The following HORMAD1 variants were observed in gnomAD, a reference collection of about 807,000 sequenced individuals.
HORMAD1 encodes HORMA domain containing 1.
In HORMAD1, 33 loss-of-function variants were observed where a neutral mutation model predicts 58.2. That is an observed-to-expected ratio of 0.57 (90% CI 0.43 to 0.76). HORMAD1 has a LOEUF of 0.76. HORMAD1 is among the 30% of genes least tolerant of loss of function. The pLI, the probability that HORMAD1 is intolerant of heterozygous loss-of-function variation, is 0.00. For synonymous variants in HORMAD1, 137 were observed against 144.6 expected (o/e 0.95, Z 0.38); for missense variants, 363 against 462.0 (o/e 0.79, Z 1.96).
intron 13 of HORMAD1, among the ~76,000 whole-genome samples, chr1:150,700,714 C>A (rs980625668): frequency 3.4e-4 from 52 of 152,250 alleles, no homozygotes; most frequent in African/African-American, 1.2e-3. Context: ...AGGAATAATA[C>A]AATATGTGGA....
rs1053969837 is a variant in HORMAD1 at position 150,705,018 on chromosome 1, C to T, written c.805-675G>A. On this transcript the variant is annotated intron_variant, in intron 10 of 14. Transcript: ENST00000361824. ...AAGATCTGCCACTGCACTTCAGCCT[C>T]GGCAAAAGAGCAAGACTCTGTCTCA... Among the ~76,000 whole-genome samples the T allele has an allele frequency of 2.6e-5, 4 of 151,752 alleles. No homozygotes were observed. In the East Asian group the frequency reaches 5.8e-4, roughly 22 times the overall value.
chr1:150,708,818 C>G, intron 8 of HORMAD1, 76 bp downstream of exon 8: 1 of 774,976 alleles, frequency 1.3e-6, no homozygotes, highest in Non-Finnish European at 2.2e-6. Context: ...CAGAATGAAT[C>G]CTGAGGTTTA....
chr1:150,715,795 T>C (rs1266245861), intron 3 of HORMAD1, among the ~76,000 whole-genome samples: 1 of 152,076 alleles, frequency 6.6e-6, no homozygotes, highest in Non-Finnish European at 1.5e-5. Flanking sequence ...ATGTTTTCTA[T>C]TGATTTCTTT....
intron 1 of HORMAD1, 148 bp from the exon 2 acceptor site, chr1:150,719,686 T>A (rs1205295145): frequency 2.1e-6 from 1 of 478,036 alleles, no homozygotes; most frequent in Non-Finnish European, 3.7e-6. Flanking sequence ...TAGAGGTCGA[T>A]ATTGCAGTAG....
intron 13 of HORMAD1, chr1:150,701,954 T>G (rs1265195475): frequency 6.6e-6 from 1 of 152,114 alleles, no homozygotes; most frequent in East Asian, 1.9e-4. Context: ...TGCAAATTCA[T>G]GAAGCATTCC....
chr1:150,701,176 C>T (rs1651525334), intron 13 of HORMAD1, among the ~76,000 whole-genome samples: 1 of 152,128 alleles, frequency 6.6e-6, no homozygotes, highest in African/African-American at 2.4e-5. Context: ...GTCCCTAAAT[C>T]ATCTTAATGT....
At position 150,704,184 on chromosome 1, in the gene HORMAD1, T is replaced by C; in HGVS notation, c.882A>G (p.Leu294=). The C allele has an allele frequency of 4.5e-6, 7 of 1,558,156 alleles. No individual in the cohort carries two copies. The highest frequency in any genetic ancestry group is 1.2e-5 in the South Asian group (1 of 84,202). ...PASSELEEPS[L]VCEEDEIMRS... Reference sequence around the variant, plus strand: ...TCATAATTTCATCTTCCTCACAAACTAAACTTGGTTCTGTAAAAAAAAAAA... The same window carrying C: ...TCATAATTTCATCTTCCTCACAAACCAAACTTGGTTCTGTAAAAAAAAAAA... Residue 294 remains leucine, a synonymous_variant, in exon 12 of 15, where the codon TTA becomes TTG. Transcript: ENST00000361824.
At chr1:150,714,720 G>A in intron 3 of HORMAD1, 42 bp from the exon 4 acceptor site, 1 of 943,506 alleles carries the variant, frequency 1.1e-6, no homozygotes, top group Non-Finnish European at 1.6e-6. Flanking sequence ...CTTAAGAAAA[G>A]TAAACAACTA....
At position 150,698,671 on chromosome 1, in the gene HORMAD1, G is replaced by T; in HGVS notation, c.1168C>A (p.Pro390Thr). The change falls in exon 15 of 15, where the codon CCA (proline) becomes ACA (threonine). Residue 390 changes from proline to threonine, a missense_variant. Physicochemically the swap from Pro to Thr is conservative, Grantham distance 38. Transcript: ENST00000361824. ...SVPKRRKFSE[P>T]KEHI Reference sequence around the variant, plus strand: ...AATAATTTTTATATATGTTCCTTTGGTTCACTAAACTTTCTCCTTTTTGGC... The same window carrying T: ...AATAATTTTTATATATGTTCCTTTGTTTCACTAAACTTTCTCCTTTTTGGC... 2.5e-6 allele frequency: 4 copies of T among 1,582,076 alleles called. No individual in the cohort carries two copies. Among genetic ancestry groups the T allele is most frequent in the Non-Finnish European group, 3.5e-6 (4 of 1,152,424 alleles).
intron 2 of HORMAD1, among the ~76,000 whole-genome samples, chr1:150,718,441 C>G (rs1361019240): frequency 6.6e-6 from 1 of 150,984 alleles, no homozygotes; most frequent in East Asian, 1.9e-4. Context: ...ACCTCAGCCT[C>G]AGCTCAAAAA....
Position 150,713,784 on chromosome 1 carries a change from T to C in HORMAD1, c.279+301A>G, listed in dbSNP as rs1318512186. 7 of 239,476 alleles carry C rather than the reference T, an allele frequency of 2.9e-5. No individual in the cohort carries two copies. In the Admixed American group the frequency reaches 4.0e-4, roughly 14 times the overall value. The allele number at this position is 239,476 out of a possible 1,614,324, so 14.8% of individuals were successfully genotyped here. Reference sequence around the variant, plus strand: ...GCTTGTAGAAGGCATGTGAAACTAATGAATAAACTATTTGAAAAGACTCTT... The same window carrying C: ...GCTTGTAGAAGGCATGTGAAACTAACGAATAAACTATTTGAAAAGACTCTT... On this transcript the variant is annotated intron_variant, in intron 5 of 14. Transcript: ENST00000361824.
At chr1:150,711,467 G>A (rs193051954) in intron 7 of HORMAD1, 78 bp downstream of exon 7, 80 of 973,276 alleles carry the variant, frequency 8.2e-5, no homozygotes, top group Non-Finnish European at 8.0e-5. Context: ...AAAAGCATAA[G>A]ATATTCTTAT....
rs1438904766 is a variant in HORMAD1, at chr1:150,703,397, A to AAAAAGAAAATAATT, written c.949-18_949-5dup. 4 of 1,488,814 alleles carry AAAAAGAAAATAATT rather than the reference A, an allele frequency of 2.7e-6. No homozygotes were observed. The highest frequency in any genetic ancestry group is 3.7e-6 in the Non-Finnish European group (4 of 1,084,774). 92.2% of individuals were successfully genotyped at this position (1,488,814 alleles called of 1,614,324 possible). A position where few individuals can be genotyped will look rare whatever the true frequency, so the allele number is the denominator to read the frequency against. On this transcript the variant is annotated splice_polypyrimidine_tract_variant and splice_region_variant and intron_variant, in intron 12 of 14. Transcript: ENST00000361824. ...TTTTATTGACTAACTGCTCAACCTA[A>AAAAAGAAAATAATT]AAAAGAAAATAATTACAAAAAATAT...
At chr1:150,716,693 G>C (rs1652089063) in intron 3 of HORMAD1, among the ~76,000 whole-genome samples, 2 of 151,652 alleles carry the variant, frequency 1.3e-5, no homozygotes, top group Admixed American at 6.6e-5. Flanking sequence ...GCCGGGCGCG[G>C]TGGCTCACGC....
At chr1:150,717,755 C>A (rs1271592210) in intron 2 of HORMAD1, among the ~76,000 whole-genome samples, 1 of 152,054 alleles carries the variant, frequency 6.6e-6, no homozygotes, top group Non-Finnish European at 1.5e-5. Flanking sequence ...AATGGTGAAA[C>A]CCTGTCTCTA....
rs1028630293 is a variant in HORMAD1, at chr1:150,698,358, A to G, written c.*296T>C. 2.2e-5 allele frequency: 4 copies of G among 183,794 alleles called. No homozygotes were observed. The highest frequency in any genetic ancestry group is 2.2e-5 in the Non-Finnish European group (2 of 89,464). The allele number at this position is 183,794 out of a possible 1,614,324, so 11.4% of individuals were successfully genotyped here. A position where few individuals can be genotyped will look rare whatever the true frequency, so the allele number is the denominator to read the frequency against. On this transcript the variant is annotated 3_prime_UTR_variant, in exon 15 of 15. Coordinates refer to ENST00000361824, the MANE Select transcript of HORMAD1 (RefSeq NM_032132.5). ...TAGAAAAATGGCATTAGAGGGCCTT[A>G]ACAGTTAGTATATATTTAAAGGAAA...
intron 1 of HORMAD1, among the ~76,000 whole-genome samples, chr1:150,719,959 G>T (rs1003812230): frequency 2.0e-5 from 3 of 152,128 alleles, no homozygotes; most frequent in Admixed American, 6.6e-5. Flanking sequence ...CTGTCGCCAG[G>T]CTGGAGTGCA....
intron 6 of HORMAD1, 117 bp downstream of exon 6, chr1:150,711,716 A>G: frequency 1.1e-6 from 1 of 937,534 alleles, no homozygotes; most frequent in South Asian, 1.4e-5. Context: ...ATTCCATTGA[A>G]TAGATCAGTT....
At chr1:150,714,574 GA>G (rs768929214) in intron 4 of HORMAD1, 40 bp downstream of exon 4, 3 of 1,142,620 alleles carry the variant, frequency 2.6e-6, no homozygotes, top group Non-Finnish European at 2.5e-6. Flanking sequence ...AGTAAAATGA[GA>G]AAAAAATAAT....
Sources: gnomAD v4.1 joint callset for allele counts (sites outside exome capture counted in the v4.1 genomes callset) on GRCh38, gnomAD v4.1.1 for gene constraint, MANE v1.5 for transcripts, NCBI Gene and HGNC (gene_info 2026-07-23, HGNC 2026-07-21) for gene names.